The following GPC6 variants were observed in gnomAD, a reference collection of about 807,000 sequenced individuals.
GPC6 encodes glypican-6.
A neutral mutation model predicts 55.2 loss-of-function variants in GPC6; 14 were observed. The observed-to-expected ratio is 0.25, with a 90% CI of 0.17 to 0.40. GPC6 has a LOEUF of 0.40. Among genes scored for constraint, GPC6 ranks in the 10% least tolerant of loss-of-function variants. The pLI is 1.00. For missense variants in GPC6, 641 were observed against 708.5 expected, an observed-to-expected ratio of 0.90 and a Z score of 1.08; for synonymous variants, 278 against 259.6, an observed-to-expected ratio of 1.07 and a Z score of -0.68.
intron 1 of GPC6, among the ~76,000 whole-genome samples, chr13:93,311,521 TCCC>T (rs2139108983): frequency 6.6e-6 from 1 of 152,194 alleles, no homozygotes; most frequent in African/African-American, 2.4e-5. Context: ...GTTCCGGTAA[TCCC>T]ATAATAGTGT....
chr13:94,011,703 G>A (rs919230380), intron 3 of GPC6, among the ~76,000 whole-genome samples: 1 of 152,148 alleles, frequency 6.6e-6, no homozygotes, highest in Admixed American at 6.5e-5. Flanking sequence ...GGCATTTGCA[G>A]CAGTGGGAAT....
chr13:93,411,147 T>C (rs548194839), intron 1 of GPC6, among the ~76,000 whole-genome samples: 1 of 152,324 alleles, frequency 6.6e-6, no homozygotes, highest in African/African-American at 2.4e-5. Flanking sequence ...AAAACTGGCT[T>C]CCCATTTCTT....
chr13:93,599,224 C>T (rs1380548789), intron 2 of GPC6, among the ~76,000 whole-genome samples: 4 of 150,726 alleles, frequency 2.7e-5, no homozygotes, highest in Non-Finnish European at 5.9e-5. Context: ...TATAGATATA[C>T]ATATTTTATT....
chr13:93,241,558 A>G (rs1876429813), intron 1 of GPC6, among the ~76,000 whole-genome samples: 1 of 151,952 alleles, frequency 6.6e-6, no homozygotes, highest in African/African-American at 2.4e-5. Flanking sequence ...TTTCATTCAT[A>G]TCTTGAGTTG....
chr13:93,249,951 G>A (rs1876727913), intron 1 of GPC6, among the ~76,000 whole-genome samples: 2 of 152,120 alleles, frequency 1.3e-5, no homozygotes, highest in Non-Finnish European at 2.9e-5. Context: ...CACTTGATGG[G>A]TAACAGGAGA....
intron 4 of GPC6, among the ~76,000 whole-genome samples, chr13:94,245,413 T>A (rs1029692810): frequency 5.3e-5 from 8 of 150,692 alleles, no homozygotes; most frequent in African/African-American, 9.8e-5. Context: ...AAAAAAAAAA[T>A]TTAAAAGCTA....
intron 3 of GPC6, among the ~76,000 whole-genome samples, chr13:93,867,949 G>T (rs1045500435): frequency 6.6e-6 from 1 of 151,756 alleles, no homozygotes; most frequent in African/African-American, 2.4e-5. Flanking sequence ...GAGTTACACA[G>T]AGACGAGGTA....
At position 93,436,528 on chromosome 13, in the gene GPC6, T is replaced by C. The variant is rs139533123; in HGVS notation, c.161-108735T>C. Among the ~76,000 whole-genome samples the C allele has an allele frequency of 8.8e-3, 1,332 of 152,212 alleles. 12 individuals are homozygous for C. Among genetic ancestry groups the C allele is most frequent in the South Asian group, 0.033 (161 of 4,828 alleles). On this transcript the variant is annotated intron_variant, in intron 1 of 8. Transcript: ENST00000377047. ...AGAGGAACTGTAATGGTAGGGATAG[T>C]TTCTGGAGCTCCAAGGCATAAACAG...
chr13:93,774,605 T>C (rs1404205313), intron 2 of GPC6, among the ~76,000 whole-genome samples: 1 of 152,174 alleles, frequency 6.6e-6, no homozygotes, highest in Non-Finnish European at 1.5e-5. Flanking sequence ...AATAATACCA[T>C]GTTATATTCT....
At chr13:93,263,456 G>A (rs541981487) in intron 1 of GPC6, among the ~76,000 whole-genome samples, 3 of 152,074 alleles carry the variant, frequency 2.0e-5, no homozygotes, top group East Asian at 1.9e-4. Flanking sequence ...CCTCTGCCTC[G>A]TGGGTTCAAG....
At chr13:94,261,440 A>G (rs1056944466) in intron 4 of GPC6, among the ~76,000 whole-genome samples, 1 of 152,224 alleles carries the variant, frequency 6.6e-6, no homozygotes, top group Non-Finnish European at 1.5e-5. Context: ...CAAATACAAG[A>G]CATTTGAGGG....
chr13:94,188,194 AG>A (rs1889266057), intron 4 of GPC6, among the ~76,000 whole-genome samples: 1 of 152,160 alleles, frequency 6.6e-6, no homozygotes, highest in South Asian at 2.1e-4. Flanking sequence ...GTGTGCACTA[AG>A]GTGCAGCAGT....
At chr13:94,209,959 C>T (rs1890026792) in intron 4 of GPC6, among the ~76,000 whole-genome samples, 1 of 152,034 alleles carries the variant, frequency 6.6e-6, no homozygotes, top group Admixed American at 6.6e-5. Context: ...GCTATCTTCC[C>T]ACCTCAGCCT....
intron 1 of GPC6, among the ~76,000 whole-genome samples, chr13:93,519,877 G>A (rs1407892198): frequency 2.0e-5 from 3 of 151,934 alleles, no homozygotes; most frequent in African/African-American, 7.2e-5. Context: ...AGAATGCTTT[G>A]CTATGGTTTT....
rs537853797 is a variant in GPC6, at chr13:93,379,919, T to C, written c.160+152303T>C. On this transcript the variant is annotated intron_variant, in intron 1 of 8. Transcript: ENST00000377047. ...ATTAGAAGCAGCCAATAAATGTTGGTTTTGGTTATAGAATAGTTGAACAGC... is the reference window on the plus strand; with the variant it reads ...ATTAGAAGCAGCCAATAAATGTTGGCTTTGGTTATAGAATAGTTGAACAGC... Among the ~76,000 whole-genome samples the C allele has an allele frequency of 2.0e-5, 3 of 150,518 alleles. No homozygotes were observed. In the Admixed American group the frequency reaches 2.0e-4, roughly 10 times the overall value.
chr13:93,338,211 G>A (rs547276974), intron 1 of GPC6, among the ~76,000 whole-genome samples: 2 of 152,214 alleles, frequency 1.3e-5, no homozygotes, highest in South Asian at 2.1e-4. Context: ...TTGAATATGG[G>A]CATTGTAATT....
intron 3 of GPC6, among the ~76,000 whole-genome samples, chr13:93,961,817 T>TTA (rs1879790434): frequency 6.6e-6 from 1 of 152,234 alleles, no homozygotes; most frequent in South Asian, 2.1e-4. Context: ...CCTTTTTTTT[T>TTA]AACAATAAAT....
chr13:93,819,851 C>T (rs1326414766), intron 2 of GPC6, among the ~76,000 whole-genome samples: 3 of 152,026 alleles, frequency 2.0e-5, no homozygotes, highest in Non-Finnish European at 4.4e-5. Flanking sequence ...GAGAAATAAC[C>T]TACCAAGAAA....
rs369248466 is a variant in GPC6 at position 94,018,008 on chromosome 13, G to A, written c.712-9721G>A. 7.9e-5 allele frequency among the ~76,000 whole-genome samples: 12 copies of A among 152,230 alleles called. No individual in the cohort carries two copies. In the East Asian group the frequency reaches 2.3e-3, roughly 29 times the overall value. On this transcript the variant is annotated intron_variant, in intron 3 of 8. Transcript: ENST00000377047. The stretch of plus-strand genomic sequence containing the variant: ...CAAGCTTCCTTGTCCTTATCTTAGA[G>A]AGAAATCTTTCAGTCTTATATCATT...
Sources: allele counts gnomAD v4.1 joint callset (sites outside exome capture counted in the v4.1 genomes callset), GRCh38; gene constraint gnomAD v4.1.1; transcripts MANE v1.5; gene names NCBI Gene and HGNC (gene_info 2026-07-23, HGNC 2026-07-21).